KCNMA1: variants seen among roughly 807,000 people sequenced by gnomAD.
KCNMA1 encodes potassium calcium-activated channel subfamily M alpha 1.
A neutral mutation model predicts 140.0 loss-of-function variants in KCNMA1; 29 were observed. The observed-to-expected ratio is 0.21, with a 90% confidence interval of 0.15 to 0.28. The LOEUF (loss-of-function observed/expected upper bound fraction) is 0.28, where lower values mean the gene tolerates loss of function less well. Among genes scored for constraint, KCNMA1 ranks in the 10% least tolerant of loss-of-function variants. The probability of loss-of-function intolerance (pLI) is 1.00; values close to 1 mark genes in which losing one functional copy is unlikely to be tolerated. For synonymous variants in KCNMA1, 612 were observed against 611.9 expected, an observed-to-expected ratio of 1.00 and a Z score of 0.00; for missense variants, 880 against 1,602.2, an observed-to-expected ratio of 0.55 and a Z score of 7.70.
downstream of KCNMA1, among the ~76,000 whole-genome samples, chr10:76,880,345 T>G (rs2034120998): frequency 2.0e-5 from 3 of 152,182 alleles, no homozygotes; most frequent in Admixed American, 2.0e-4. Flanking sequence ...TAGCCCATGT[T>G]TTGGCCATGC....
intron 2 of KCNMA1, among the ~76,000 whole-genome samples, chr10:77,314,547 T>C (rs1458870255): frequency 6.6e-6 from 1 of 152,208 alleles, no homozygotes; most frequent in African/African-American, 2.4e-5. Flanking sequence ...CTAGTTATCC[T>C]AACAATTGCT....
chr10:77,252,582 T>G (rs906599639), intron 2 of KCNMA1, among the ~76,000 whole-genome samples: 1 of 151,010 alleles, frequency 6.6e-6, no homozygotes, highest in African/African-American at 2.5e-5. Flanking sequence ...TGTGTATGTA[T>G]GAGAGACAGA....
intron 2 of KCNMA1, among the ~76,000 whole-genome samples, chr10:77,292,454 G>A (rs895883339): frequency 1.3e-5 from 2 of 152,150 alleles, no homozygotes; most frequent in African/African-American, 2.4e-5. Context: ...TCACAGGGGC[G>A]GCCCCCACTA....
At chr10:77,353,474 G>A (rs1275906135) in intron 2 of KCNMA1, among the ~76,000 whole-genome samples, 1 of 151,984 alleles carries the variant, frequency 6.6e-6, no homozygotes, top group Admixed American at 6.6e-5. Flanking sequence ...GCTATTGCCA[G>A]ACAATATATA....
At chr10:77,014,715 G>A (rs1279066808) in intron 17 of KCNMA1, among the ~76,000 whole-genome samples, 2 of 152,294 alleles carry the variant, frequency 1.3e-5, no homozygotes, top group East Asian at 1.9e-4. Context: ...TGTCCTCCAA[G>A]GCTAGGCAAT....
chr10:77,533,292 G>C (rs1193785919), intron 1 of KCNMA1, among the ~76,000 whole-genome samples: 1 of 152,060 alleles, frequency 6.6e-6, no homozygotes, highest in African/African-American at 2.4e-5. Context: ...GAGTCTACTG[G>C]GCAGACTAGC....
intron 2 of KCNMA1, among the ~76,000 whole-genome samples, chr10:77,298,932 C>G (rs534038568): frequency 6.6e-6 from 1 of 152,320 alleles, no homozygotes; most frequent in South Asian, 2.1e-4. Context: ...TTCATGGGAC[C>G]TGCGCCCCAG....
exon 28 of KCNMA1, chr10:76,870,877 G>A (rs770503219): frequency 3.9e-5 from 6 of 152,246 alleles, no homozygotes; most frequent in Admixed American, 6.5e-5. Context: ...TGAGTCTTTT[G>A]ACTTGTGCCT....
chr10:77,034,682 T>C (rs1594325090), intron 15 of KCNMA1, among the ~76,000 whole-genome samples: 2 of 152,304 alleles, frequency 1.3e-5, no homozygotes, highest in Admixed American at 6.5e-5. Context: ...CTCCTGCCCT[T>C]CAGCACAGCT....
chr10:77,636,941 C>G (rs1490117716), intron 1 of KCNMA1: 1 of 1,418,558 alleles, frequency 7.0e-7, no homozygotes, highest in African/African-American at 1.4e-5. Context: ...GCTGTCCCCA[C>G]CCCGCACCAC....
At chr10:77,550,330 G>C (rs546348247) in intron 1 of KCNMA1, among the ~76,000 whole-genome samples, 18 of 152,216 alleles carry the variant, frequency 1.2e-4, no homozygotes, top group Non-Finnish European at 2.4e-4. Context: ...CTGCTGGGTA[G>C]ACTTCCCCAT....
At chr10:77,624,269 T>C (rs1035246685) in intron 1 of KCNMA1, among the ~76,000 whole-genome samples, 17 of 152,342 alleles carry the variant, frequency 1.1e-4, no homozygotes, top group African/African-American at 3.4e-4. Flanking sequence ...CAGCCTATCA[T>C]AGCACACTAT....
intron 2 of KCNMA1, among the ~76,000 whole-genome samples, chr10:77,366,463 C>A (rs963719872): frequency 4.6e-5 from 7 of 152,190 alleles, no homozygotes; most frequent in African/African-American, 1.7e-4. Flanking sequence ...GCCACCACGC[C>A]CGGCCACATG....
chr10:77,231,666 C>T (rs1430741636), intron 3 of KCNMA1, among the ~76,000 whole-genome samples: 1 of 147,596 alleles, frequency 6.8e-6, no homozygotes, highest in Non-Finnish European at 1.5e-5. Context: ...ACGCCTCCAG[C>T]ATGTGCTCAC....
intron 14 of KCNMA1, among the ~76,000 whole-genome samples, chr10:77,061,716 C>T (rs957050960): frequency 3.9e-5 from 6 of 152,136 alleles, no homozygotes; most frequent in African/African-American, 7.2e-5. Flanking sequence ...ATGTTTATAT[C>T]GACTGTATTC....
chr10:77,487,037 G>A (rs995755260), intron 1 of KCNMA1, among the ~76,000 whole-genome samples: 9 of 152,194 alleles, frequency 5.9e-5, no homozygotes, highest in Non-Finnish European at 1.3e-4. Flanking sequence ...CCTGCAGGAT[G>A]AAATACCAGC....
chr10:77,443,295 A>G (rs2097450093), intron 1 of KCNMA1, among the ~76,000 whole-genome samples: 2 of 152,138 alleles, frequency 1.3e-5, no homozygotes, highest in African/African-American at 4.8e-5. Flanking sequence ...TTTGTCTAGA[A>G]GCCCTGCATT....
At chr10:77,014,232 C>A (rs566782880) in intron 17 of KCNMA1, among the ~76,000 whole-genome samples, 5 of 152,180 alleles carry the variant, frequency 3.3e-5, no homozygotes, top group Admixed American at 3.3e-4. Context: ...TTGAGACCAG[C>A]CTGGCCAACA....
chr10:76,983,314 C>T (rs1055106722), intron 19 of KCNMA1, among the ~76,000 whole-genome samples: 4 of 152,210 alleles, frequency 2.6e-5, no homozygotes, highest in African/African-American at 9.6e-5. Context: ...TCTAGATCCT[C>T]AACTTGCAGC....
Sources: allele counts gnomAD v4.1 joint callset (sites outside exome capture counted in the v4.1 genomes callset), GRCh38; gene constraint gnomAD v4.1.1; transcripts MANE v1.5; gene names NCBI Gene and HGNC (gene_info 2026-07-23, HGNC 2026-07-21).